Variants in TEC observed in about 807,000 individuals in gnomAD.
TEC encodes the protein tyrosine-protein kinase Tec.
Under a neutral mutation model 93.0 loss-of-function variants are expected in TEC, and 72 were observed. The ratio of observed to expected loss-of-function variants is 0.77; its 90% CI spans 0.64 to 0.94. The LOEUF is 0.94. Among genes scored for constraint, TEC ranks in the 40% least tolerant of loss-of-function variants. TEC has a pLI of 0.00. For missense variants in TEC, 630 were observed against 757.9 expected (o/e 0.83, Z 1.98); for synonymous variants, 249 against 247.7 (o/e 1.01, Z -0.05).
chr4:48,156,675 C>G lies in TEC; in HGVS notation c.792+5G>C, dbSNP rs1356525163. 1 of 1,609,912 alleles carries G rather than the reference C, an allele frequency of 6.2e-7. No individual in the cohort carries two copies. The highest frequency in any genetic ancestry group is 1.3e-5 in the African/African-American group (1 of 74,724). Reference sequence around the variant, plus strand: ...TAAGCCAAACCCACAAGTACAAACACTTACTTCACTGCGGAGGAGTTGCTC... The same window carrying G: ...TAAGCCAAACCCACAAGTACAAACAGTTACTTCACTGCGGAGGAGTTGCTC... On this transcript the variant is annotated splice_donor_5th_base_variant and intron_variant, in intron 9 of 17. Coordinates refer to ENST00000381501, the MANE Select transcript of TEC (RefSeq NM_003215.3).
intron 3 of TEC, among the ~76,000 whole-genome samples, chr4:48,174,266 T>C (rs1208987984): frequency 1.3e-5 from 2 of 152,198 alleles, no homozygotes; most frequent in African/African-American, 4.8e-5. Flanking sequence ...AGTGAATCTC[T>C]CTTTCTTGGA....
chr4:48,240,113 T>C (rs1160067444), intron 1 of TEC, among the ~76,000 whole-genome samples: 1 of 152,232 alleles, frequency 6.6e-6, no homozygotes, highest in East Asian at 1.9e-4. Context: ...CTGAAGGGTA[T>C]GGAAGAGTAT....
chr4:48,263,087 C>T (rs546239923), intron 1 of TEC, among the ~76,000 whole-genome samples: 2 of 152,304 alleles, frequency 1.3e-5, no homozygotes, highest in African/African-American at 4.8e-5. Flanking sequence ...AATGACTCAA[C>T]TGATGAAATG....
At chr4:48,150,769 G>T in intron 10 of TEC, 94 bp downstream of exon 10, 2 of 843,816 alleles carry the variant, frequency 2.4e-6, no homozygotes, top group South Asian at 3.2e-5. Context: ...GTGAAATGCT[G>T]CATATTTTTA....
Position 48,171,453 on chromosome 4 carries a change from A to C in TEC, c.244-4T>G, listed in dbSNP as rs1721107977. On this transcript the variant is annotated splice_polypyrimidine_tract_variant and splice_region_variant and intron_variant, in intron 3 of 17. Transcript: ENST00000381501. The stretch of plus-strand genomic sequence containing the variant: ...GTGTGTTAGCATCATGAACAACCTA[A>C]AATAAAACAAAAGATGGAATTGGTG... 3.7e-6 allele frequency: 6 copies of C among 1,612,488 alleles called. No individual in the cohort carries two copies. The East Asian group carries it at 1.3e-4, about 36-fold the overall frequency.
chr4:48,150,483 T>A (rs1197230930), intron 10 of TEC, among the ~76,000 whole-genome samples: 1 of 152,094 alleles, frequency 6.6e-6, no homozygotes, highest in Non-Finnish European at 1.5e-5. Context: ...CACACACACA[T>A]TACCCTCCCA....
chr4:48,185,500 A>T (rs1560397149), intron 2 of TEC, among the ~76,000 whole-genome samples: 1 of 152,188 alleles, frequency 6.6e-6, no homozygotes, highest in Non-Finnish European at 1.5e-5. Context: ...CCAAGGACAA[A>T]ATTCTAACAA....
intron 17 of TEC, among the ~76,000 whole-genome samples, 183 bp from the exon 18 acceptor site, chr4:48,137,682 G>A (rs954551768): frequency 1.6e-4 from 24 of 152,184 alleles, no homozygotes; most frequent in African/African-American, 5.1e-4. Context: ...ACTGCTGCTA[G>A]GCTAACGTTT....
intron 2 of TEC, among the ~76,000 whole-genome samples, chr4:48,190,451 A>T (rs943859519): frequency 3.3e-5 from 5 of 152,208 alleles, no homozygotes; most frequent in Non-Finnish European, 7.3e-5. Flanking sequence ...AGGATTTCAG[A>T]CCAATGTGAT....
rs940862311 is a variant in TEC, at chr4:48,171,242, A to G, written c.325+126T>C. ...ACTTACAACAACAGCATATCCTTGGAGAAACACTTACTGTAGATTAAGAGA... is the reference window on the plus strand; with the variant it reads ...ACTTACAACAACAGCATATCCTTGGGGAAACACTTACTGTAGATTAAGAGA... On this transcript the variant is annotated intron_variant, in intron 4 of 17. Coordinates refer to ENST00000381501, the MANE Select transcript of TEC (RefSeq NM_003215.3). 5.4e-6 allele frequency: 4 copies of G among 741,764 alleles called. No individual in the cohort carries two copies. The African/African-American group carries it at 7.2e-5, about 13-fold the overall frequency. 45.9% of individuals were successfully genotyped at this position (741,764 alleles called of 1,614,324 possible).
intron 2 of TEC, among the ~76,000 whole-genome samples, chr4:48,192,621 G>C (rs1577739725): frequency 6.6e-6 from 1 of 152,010 alleles, no homozygotes; most frequent in South Asian, 2.1e-4. Flanking sequence ...TAAATCATAA[G>C]CTTAAAACTG....
chr4:48,147,486 G>C (rs1177745915), intron 11 of TEC, among the ~76,000 whole-genome samples: 2 of 152,090 alleles, frequency 1.3e-5, no homozygotes, highest in African/African-American at 4.8e-5. Flanking sequence ...AACATTAATG[G>C]CAATTTACAT....
chr4:48,213,292 T>G (rs928045889), intron 2 of TEC, among the ~76,000 whole-genome samples: 4 of 152,248 alleles, frequency 2.6e-5, no homozygotes, highest in Admixed American at 2.6e-4. Flanking sequence ...ATTGCACATA[T>G]TTTGTAGTAT....
At chr4:48,245,560 G>T (rs968622727) in intron 1 of TEC, among the ~76,000 whole-genome samples, 18 of 152,190 alleles carry the variant, frequency 1.2e-4, no homozygotes, top group African/African-American at 4.3e-4. Context: ...TTAAGTGCTT[G>T]CTATCAGTAT....
At chr4:48,183,802 T>C (rs952945390) in intron 2 of TEC, among the ~76,000 whole-genome samples, 21 of 152,224 alleles carry the variant, frequency 1.4e-4, no homozygotes, top group African/African-American at 4.3e-4. Flanking sequence ...ATGTATCCTA[T>C]TGGTTCTGTT....
chr4:48,200,196 A>G (rs1427390313), intron 2 of TEC, among the ~76,000 whole-genome samples: 16 of 151,834 alleles, frequency 1.1e-4, no homozygotes, highest in Admixed American at 1.1e-3. Context: ...CACGGGTTCT[A>G]GAGAAAGGAC....
intron 10 of TEC, 97 bp downstream of exon 10, chr4:48,150,766 G>C (rs1720123126): frequency 6.1e-6 from 5 of 813,904 alleles, no homozygotes. Flanking sequence ...ATGGTGAAAT[G>C]CTGCATATTT....
At chr4:48,176,284 C>A in intron 2 of TEC, 98 bp from the exon 3 acceptor site, 1 of 819,214 alleles carries the variant, frequency 1.2e-6, no homozygotes, top group Non-Finnish European at 2.0e-6. Context: ...CAAAATATTG[C>A]AATTTCTTTA....
chr4:48,181,440 C>T (rs1210906705), intron 2 of TEC, among the ~76,000 whole-genome samples: 3 of 151,806 alleles, frequency 2.0e-5, no homozygotes, highest in Non-Finnish European at 4.4e-5. Context: ...TTTGAGAGGC[C>T]AAGGAGGGTG....
Sources: gnomAD v4.1 joint callset for allele counts (sites outside exome capture counted in the v4.1 genomes callset) on GRCh38, gnomAD v4.1.1 for gene constraint, MANE v1.5 for transcripts, NCBI Gene and HGNC (gene_info 2026-07-23, HGNC 2026-07-21) for gene names.